PPP2R5C: variants seen among roughly 807,000 people sequenced by gnomAD.
PPP2R5C encodes protein phosphatase 2 regulatory subunit B'gamma.
PPP2R5C carries 7 observed loss-of-function variants against 68.9 expected under a neutral mutation model. That is an observed-to-expected ratio of 0.10 (90% CI 0.06 to 0.19). The LOEUF is 0.19. Ranked by LOEUF, PPP2R5C falls within the 10% of genes least tolerant of loss-of-function variation. PPP2R5C has a pLI of 1.00. For synonymous variants in PPP2R5C, 210 were observed against 222.2 expected (o/e 0.95, Z 0.49); for missense variants, 348 against 641.3 (o/e 0.54, Z 4.94).
chr14:101,918,072 C>A, intron 13 of PPP2R5C, 125 bp downstream of exon 15: 1 of 1,355,604 alleles, frequency 7.4e-7, no homozygotes. Flanking sequence ...TTAAATTTTG[C>A]TAGTCTTATA....
At chr14:101,764,731 C>A (rs775986225) in intron 2 of PPP2R5C, among the ~76,000 whole-genome samples, 3 of 151,678 alleles carry the variant, frequency 2.0e-5, no homozygotes, top group Non-Finnish European at 2.9e-5. Context: ...TCTTCCCTGT[C>A]ACCCTTTTGA....
chr14:101,778,608 T>C (rs950658401), intron 2 of PPP2R5C, among the ~76,000 whole-genome samples: 2 of 152,212 alleles, frequency 1.3e-5, no homozygotes, highest in Non-Finnish European at 2.9e-5. Flanking sequence ...TCCACCTTTA[T>C]TCTTGTCCAT....
At chr14:101,837,757 C>T (rs1422835146) in intron 1 of PPP2R5C, among the ~76,000 whole-genome samples, 2 of 152,142 alleles carry the variant, frequency 1.3e-5, no homozygotes, top group Admixed American at 1.3e-4. Flanking sequence ...GCTAATAATC[C>T]TAATAAATAT....
chr14:101,810,357 G>C (rs1437850078), intron 1 of PPP2R5C: 1 of 231,612 alleles, frequency 4.3e-6, no homozygotes, highest in Non-Finnish European at 8.5e-6. Context: ...GTATTGGGTG[G>C]GGGTAGGAAG....
At chr14:101,776,881 C>CT (rs1302841711) in intron 2 of PPP2R5C, among the ~76,000 whole-genome samples, 2,206 of 140,262 alleles carry the variant, frequency 0.016, 57 homozygotes, top group African/African-American at 0.048. Context: ...ACCTCATTCC[C>CT]TTTTTTTTTT....
At chr14:101,907,266 G>A (rs1193199178) in intron 10 of PPP2R5C, among the ~76,000 whole-genome samples, 1 of 152,024 alleles carries the variant, frequency 6.6e-6, no homozygotes, top group Non-Finnish European at 1.5e-5. Context: ...GACCTCCTGG[G>A]CTCAAGCAAA....
At chr14:101,821,469 G>A (rs1170061912) in intron 1 of PPP2R5C, among the ~76,000 whole-genome samples, 3 of 151,248 alleles carry the variant, frequency 2.0e-5, no homozygotes, top group African/African-American at 7.3e-5. Context: ...GTGTGTGTGT[G>A]TGTGTGTGTG....
chr14:101,846,398 T>A lies in PPP2R5C; in HGVS notation c.95-10288T>A, dbSNP rs373125812. On this transcript the variant is annotated intron_variant, in intron 1 of 13. Coordinates refer to ENST00000334743, the Ensembl canonical transcript of PPP2R5C. Reference sequence around the variant, plus strand: ...AAGATGTAACTTGATTTTAGAGACATTAATATGAAAAATGTATGTATTAGA... The same window carrying A: ...AAGATGTAACTTGATTTTAGAGACAATAATATGAAAAATGTATGTATTAGA... Among the ~76,000 whole-genome samples the A allele has an allele frequency of 6.6e-5, 10 of 152,290 alleles. No individual in the cohort carries two copies. In the East Asian group the frequency reaches 1.9e-3, roughly 29 times the overall value.
At chr14:101,885,367 C>T (rs1293245077) in intron 5 of PPP2R5C, among the ~76,000 whole-genome samples, 5 of 151,490 alleles carry the variant, frequency 3.3e-5, no homozygotes, top group Non-Finnish European at 7.4e-5. Flanking sequence ...CCTGCCTTTC[C>T]GTCTGCAGTC....
chr14:101,796,042 C>T (rs912270935), intron 3 of PPP2R5C, among the ~76,000 whole-genome samples: 101 of 152,054 alleles, frequency 6.6e-4, no homozygotes, highest in African/African-American at 2.3e-3. Flanking sequence ...AGGCTGGTCT[C>T]GAACTCCTGG....
At chr14:101,855,687 G>T (rs866490280) in intron 1 of PPP2R5C, among the ~76,000 whole-genome samples, 2 of 152,156 alleles carry the variant, frequency 1.3e-5, no homozygotes, top group Admixed American at 1.3e-4. Flanking sequence ...AGTCAGTCCC[G>T]TTTATTCGTG....
intron 1 of PPP2R5C, among the ~76,000 whole-genome samples, chr14:101,849,625 C>T (rs1310193663): frequency 3.2e-5 from 3 of 92,582 alleles, no homozygotes; most frequent in Admixed American, 1.0e-4. Context: ...CTTGCCTTTT[C>T]ATCCTTGTGG....
At chr14:101,881,215 C>T (rs1014030062) in intron 2 of PPP2R5C, among the ~76,000 whole-genome samples, 10 of 151,908 alleles carry the variant, frequency 6.6e-5, no homozygotes, top group Admixed American at 3.9e-4. Context: ...ATGGTGAAAC[C>T]GTGGTGAAAT....
intron 13 of PPP2R5C, among the ~76,000 whole-genome samples, chr14:101,923,940 AGACT>A (rs10554883): frequency 0.2 from 29,668 of 152,060 alleles, 4,676 homozygotes; most frequent in African/African-American, 0.43. Context: ...TGTTGTCAAA[AGACT>A]GACTTAAATT....
chr14:101,896,188 T>G (rs1205718759), intron 8 of PPP2R5C, among the ~76,000 whole-genome samples: 1 of 151,754 alleles, frequency 6.6e-6, no homozygotes, highest in Non-Finnish European at 1.5e-5. Context: ...CCCGGCTAAT[T>G]TTTGCATTTT....
At chr14:101,772,456 TATTTATTTTGGGTTCAAAACACAAA>T (rs1239903452) in intron 2 of PPP2R5C, among the ~76,000 whole-genome samples, 13 of 152,282 alleles carry the variant, frequency 8.5e-5, no homozygotes, top group Admixed American at 2.6e-4. Context: ...CTTATTTATT[TATTTATTTTGGGTTCAAAACACAAA>T]ATTTATTTTG....
At chr14:101,895,051 C>G (rs1176572036) in intron 8 of PPP2R5C, among the ~76,000 whole-genome samples, 2 of 152,102 alleles carry the variant, frequency 1.3e-5, no homozygotes, top group Non-Finnish European at 2.9e-5. Context: ...TACTGCTGTT[C>G]TGTGCGTGGA....
intron 2 of PPP2R5C, among the ~76,000 whole-genome samples, chr14:101,772,873 C>T (rs984744436): frequency 4.6e-5 from 7 of 152,204 alleles, no homozygotes; most frequent in Non-Finnish European, 8.8e-5. Context: ...CTCAGACCTG[C>T]TTCACAGAGC....
intron 12 of PPP2R5C, 164 bp downstream of exon 14, chr14:101,912,637 T>A: frequency 7.7e-7 from 1 of 1,298,590 alleles, no homozygotes; most frequent in Non-Finnish European, 9.9e-7. Flanking sequence ...CCTCCTTTTG[T>A]ACAAGTACTT....
Sources: allele counts gnomAD v4.1 joint callset (sites outside exome capture counted in the v4.1 genomes callset), GRCh38; gene constraint gnomAD v4.1.1; transcripts MANE v1.5; gene names NCBI Gene and HGNC (gene_info 2026-07-23, HGNC 2026-07-21).